TRMT10B: variants seen among roughly 807,000 people sequenced by gnomAD.
TRMT10B encodes the protein tRNA methyltransferase 10 homolog B.
A neutral mutation model predicts 43.8 loss-of-function variants in TRMT10B; 33 were observed. That is an observed-to-expected ratio of 0.75 (90% CI 0.57 to 1.01). The LOEUF (loss-of-function observed/expected upper bound fraction) is 1.01. Among genes scored for constraint, TRMT10B ranks in the 50% least tolerant of loss-of-function variants. The pLI is 0.00. For synonymous variants in TRMT10B, 137 were observed against 130.6 expected (o/e 1.05, Z -0.34); for missense variants, 362 against 369.8 (o/e 0.98, Z 0.17).
intron 4 of TRMT10B, among the ~76,000 whole-genome samples, chr9:37,764,298 G>A (rs1390829159): frequency 6.7e-6 from 1 of 149,876 alleles, no homozygotes; most frequent in African/African-American, 2.5e-5. Flanking sequence ...ACAGGCGTCT[G>A]CCACCACGCC....
intron 4 of TRMT10B, among the ~76,000 whole-genome samples, chr9:37,765,036 A>G (rs74965190): frequency 0.13 from 19,446 of 152,108 alleles, 1,413 homozygotes; most frequent in Non-Finnish European, 0.16. Flanking sequence ...GGAAAATTCC[A>G]TGGGCTGGCA....
rs1373491420 is a variant in TRMT10B at position 37,761,887 on chromosome 9, TTG to T, written c.-29-13_-29-12del. On this transcript the variant is annotated splice_polypyrimidine_tract_variant and intron_variant, in intron 1 of 8. Coordinates refer to ENST00000297994, the MANE Select transcript of TRMT10B (RefSeq NM_144964.4). ...TGAAATAATGTAATAGCTCACATAA[TTG>T]TGCCTTTTTCCAGTCTGGTGGAAAG... 1.3e-6 allele frequency: 2 copies of T among 1,548,862 alleles called. No individual in the cohort carries two copies. Among genetic ancestry groups the T allele is most frequent in the Admixed American group, 1.8e-5 (1 of 54,546 alleles).
chr9:37,761,875 T>C, intron 1 of TRMT10B, 28 bp from the exon 2 acceptor site: 2 of 1,478,354 alleles, frequency 1.4e-6, no homozygotes, highest in South Asian at 1.2e-5. Flanking sequence ...AATAATGTAA[T>C]AGCTCACATA....
chr9:37,776,520 T>C, intron 8 of TRMT10B, 115 bp downstream of exon 8: 2 of 1,292,018 alleles, frequency 1.5e-6, no homozygotes, highest in Admixed American at 3.1e-5. Context: ...GTGGACTTTA[T>C]TGCATGTACG....
intron 7 of TRMT10B, 122 bp from the exon 8 acceptor site, chr9:37,776,160 T>C: frequency 1.2e-6 from 1 of 849,706 alleles, no homozygotes; most frequent in Non-Finnish European, 1.7e-6. Context: ...TTGAGACAGT[T>C]AACTCATTAT....
rs773284092 is a variant in TRMT10B at position 37,760,478 on chromosome 9, C to T, written c.-29-1425C>T. 5.0e-4 allele frequency among the ~76,000 whole-genome samples: 76 copies of T among 152,270 alleles called. No homozygotes were observed. In the Middle Eastern group the frequency reaches 0.014, roughly 27 times the overall value. On this transcript the variant is annotated intron_variant, in intron 1 of 8. Transcript: ENST00000297994. ...GAGGCTGTAGTAAACCATGATTGTG[C>T]CACCGCACTCGAGCTTGGGTAACAG...
chr9:37,772,819 TACAAA>T (rs1444777466), intron 7 of TRMT10B, among the ~76,000 whole-genome samples: 1 of 152,106 alleles, frequency 6.6e-6, no homozygotes, highest in African/African-American at 2.4e-5. Context: ...AACCTATCTC[TACAAA>T]ACAATTTGGA....
chr9:37,759,537 G>T (rs1325574540), intron 1 of TRMT10B, among the ~76,000 whole-genome samples: 1 of 152,244 alleles, frequency 6.6e-6, no homozygotes, highest in African/African-American at 2.4e-5. Flanking sequence ...GGGGAGTGAG[G>T]CTGGGTGTGG....
At chr9:37,761,456 T>TG (rs201495013) in intron 1 of TRMT10B, among the ~76,000 whole-genome samples, 2,662 of 152,226 alleles carry the variant, frequency 0.017, 35 homozygotes, top group Non-Finnish European at 0.023. Context: ...CCCCGCACTT[T>TG]GGGGGGCCGA....
At position 37,762,633 on chromosome 9, in the gene TRMT10B, C is replaced by G. The variant is rs1325523751; in HGVS notation, c.243C>G (p.Ser81Arg). Residue 81 changes from serine (S) to arginine (R), a missense_variant, in exon 3 of 9, where the codon AGC (serine) becomes AGG (arginine). Physicochemically the swap from Ser to Arg is moderately radical, Grantham distance 110. Coordinates refer to ENST00000297994, the MANE Select transcript of TRMT10B (RefSeq NM_144964.4). ...HWEKIVAAKKSKRKQEKERRK... is the reference protein window; with the variant it reads ...HWEKIVAAKKRKRKQEKERRK... ...AAAAGATAGTTGCAGCAAAGAAGAG[C>G]AAAAGAAAGCAAGAAAAAGAACGAA... 2 of 1,596,900 alleles carry G rather than the reference C, an allele frequency of 1.3e-6. No individual in the cohort carries two copies. The highest frequency in any genetic ancestry group is 1.7e-6 in the Non-Finnish European group (2 of 1,170,846).
At chr9:37,760,196 G>C (rs1026116690) in intron 1 of TRMT10B, among the ~76,000 whole-genome samples, 1 of 152,174 alleles carries the variant, frequency 6.6e-6, no homozygotes, top group Admixed American at 6.5e-5. Flanking sequence ...GGTGGCTGGC[G>C]CCTGTAATCC....
In TRMT10B at chr9:37,763,652, C is replaced by T. The variant is rs1454299039; in HGVS notation, c.319C>T (p.Arg107Cys). 5.6e-6 allele frequency: 9 copies of T among 1,614,006 alleles called. No individual in the cohort carries two copies. The highest frequency in any genetic ancestry group is 3.3e-5 in the Admixed American group (2 of 59,998). The change falls in exon 4 of 9, where the codon CGT (arginine) becomes TGT (cysteine). Residue 107 changes from arginine to cysteine, a missense_variant. By Grantham distance (180) the Arg-to-Cys change is radical. Coordinates refer to ENST00000297994, the MANE Select transcript of TRMT10B (RefSeq NM_144964.4). ...NPGICPQHSK[R>C]FLRALTKDKL... Reference sequence around the variant, plus strand: ...AGGCATTTGCCCCCAGCACAGCAAACGTTTCCTGAGAGCTCTAACCAAAGA... The same window carrying T: ...AGGCATTTGCCCCCAGCACAGCAAATGTTTCCTGAGAGCTCTAACCAAAGA...
intron 1 of TRMT10B, among the ~76,000 whole-genome samples, chr9:37,757,633 T>A (rs1825864395): frequency 6.6e-6 from 1 of 152,178 alleles, no homozygotes; most frequent in African/African-American, 2.4e-5. Context: ...ACATGATAAG[T>A]CATGAATAAC....
intron 5 of TRMT10B, 34 bp downstream of exon 5, chr9:37,768,262 A>C (rs777515793): frequency 6.4e-7 from 1 of 1,571,402 alleles, no homozygotes; most frequent in African/African-American, 1.4e-5. Context: ...TTGAATTGTC[A>C]TCTGAAAAGT....
intron 7 of TRMT10B, among the ~76,000 whole-genome samples, chr9:37,774,662 T>C (rs1027469871): frequency 6.6e-6 from 1 of 152,242 alleles, no homozygotes; most frequent in Non-Finnish European, 1.5e-5. Flanking sequence ...ATATAGCTCA[T>C]ATATGCAAAG....
At chr9:37,763,579 ATAT>A in intron 3 of TRMT10B, 47 bp from the exon 4 acceptor site, 1 of 1,540,566 alleles carries the variant, frequency 6.5e-7, no homozygotes, top group Non-Finnish European at 8.9e-7. Flanking sequence ...TTCTTATATA[ATAT>A]TCCTCTGGTT....
At chr9:37,762,512 T>C (rs774945260) in intron 2 of TRMT10B, 65 bp from the exon 3 acceptor site, 3 of 1,513,346 alleles carry the variant, frequency 2.0e-6, no homozygotes, top group Admixed American at 5.0e-5. Context: ...ATGTTTCTAA[T>C]GTTCATTTTC....
chr9:37,755,962 A>G (rs1181910584), intron 1 of TRMT10B, among the ~76,000 whole-genome samples: 1 of 152,186 alleles, frequency 6.6e-6, no homozygotes, highest in Non-Finnish European at 1.5e-5. Flanking sequence ...AGACTTTCCA[A>G]TTTTTGAAAA....
At position 37,777,699 on chromosome 9, in the gene TRMT10B, G is replaced by C. The variant is rs1448640161; in HGVS notation, c.943G>C (p.Val315Leu). 1.9e-6 allele frequency: 3 copies of C among 1,613,478 alleles called. No homozygotes were observed. Among genetic ancestry groups the C allele is most frequent in the Non-Finnish European group, 2.5e-6 (3 of 1,179,590 alleles). ...AAAAGGCTATATTCTTCGGAACTCAGTGGAATGATGGGCCTAAGATTGCAG... is the reference window on the plus strand; with the variant it reads ...AAAAGGCTATATTCTTCGGAACTCACTGGAATGATGGGCCTAAGATTGCAG... Reference protein sequence around the residue: ...SGKGYILRNSVE With the variant: ...SGKGYILRNSLE The change falls in exon 9 of 9, where the codon GTG becomes CTG. Residue 315 changes from valine (V) to leucine (L), a missense_variant. Coordinates refer to ENST00000297994, the MANE Select transcript of TRMT10B (RefSeq NM_144964.4).
Sources: gnomAD v4.1 joint callset for allele counts (sites outside exome capture counted in the v4.1 genomes callset) on GRCh38, gnomAD v4.1.1 for gene constraint, MANE v1.5 for transcripts, NCBI Gene and HGNC (gene_info 2026-07-23, HGNC 2026-07-21) for gene names.